The following MYH15 variants were observed in gnomAD, a reference collection of about 807,000 sequenced individuals.
The protein encoded by MYH15 is myosin heavy chain 15.
MYH15 carries 227 observed loss-of-function variants against 240.5 expected under a neutral mutation model. That is an observed-to-expected ratio of 0.94 (90% CI 0.85 to 1.05). The LOEUF (loss-of-function observed/expected upper bound fraction) is 1.05, where lower values mean the gene tolerates loss of function less well. MYH15 is among the 50% of genes least tolerant of loss of function. The pLI is 0.00. For missense variants in MYH15, 2,217 were observed against 2,247.5 expected (o/e 0.99, Z 0.27); for synonymous variants, 785 against 796.7 (o/e 0.99, Z 0.25).
At chr3:108,431,357 T>C (rs1165622287) in intron 25 of MYH15, among the ~76,000 whole-genome samples, 4 of 152,212 alleles carry the variant, frequency 2.6e-5, no homozygotes, top group East Asian at 1.9e-4. Flanking sequence ...CAGGAGGTAA[T>C]TGAATCATGG....
chr3:108,435,143 T>C (rs2082820524), intron 25 of MYH15, among the ~76,000 whole-genome samples: 1 of 152,252 alleles, frequency 6.6e-6, no homozygotes, highest in South Asian at 2.1e-4. Context: ...CTTTATAACT[T>C]GTCTCCATTT....
chr3:108,446,144 C>T (rs1023685351), intron 21 of MYH15, among the ~76,000 whole-genome samples: 5 of 152,126 alleles, frequency 3.3e-5, no homozygotes, highest in South Asian at 2.1e-4. Context: ...CAGACCTATC[C>T]CCATGAACCC....
the MYH15 span, among the ~76,000 whole-genome samples, chr3:108,535,904 G>A: frequency 0.032 from 4,945 of 152,240 alleles, 252 homozygotes; most frequent in African/African-American, 0.11. Context: ...TAGTTGGTAA[G>A]GGTTATTTAT....
At chr3:108,529,001 T>C (rs1176919074) in intron 1 of MYH15, among the ~76,000 whole-genome samples, 1 of 152,190 alleles carries the variant, frequency 6.6e-6, no homozygotes, top group African/African-American at 2.4e-5. Flanking sequence ...TGAGAAGTTG[T>C]GTGTTGGGGA....
chr3:108,472,827 A>T (rs1307381987), intron 12 of MYH15, among the ~76,000 whole-genome samples: 1 of 152,084 alleles, frequency 6.6e-6, no homozygotes, highest in Non-Finnish European at 1.5e-5. Flanking sequence ...CATTTTCATC[A>T]TTTTCTGTCC....
chr3:108,412,384 C>T (rs1300825684), intron 30 of MYH15, among the ~76,000 whole-genome samples: 6 of 152,180 alleles, frequency 3.9e-5, no homozygotes, highest in Non-Finnish European at 8.8e-5. Flanking sequence ...TCCCCTTCCA[C>T]CAGGATTGTA....
At chr3:108,455,607 A>G in intron 20 of MYH15, 129 bp downstream of exon 20, 2 of 1,078,044 alleles carry the variant, frequency 1.9e-6, no homozygotes, top group Non-Finnish European at 2.7e-6. Context: ...TTCAGCTAAG[A>G]TCTGTTTGTG....
chr3:108,496,208 A>G (rs958516910), intron 6 of MYH15, among the ~76,000 whole-genome samples: 5 of 152,230 alleles, frequency 3.3e-5, no homozygotes, highest in Non-Finnish European at 7.3e-5. Context: ...AACATATCAT[A>G]TATTTCCCCC....
At position 108,464,742 on chromosome 3, in the gene MYH15, T is replaced by C; in HGVS notation, c.1627A>G (p.Lys543Glu). ...PKATDLTFKTKLFDNHFGKSV... is the reference protein window; with the variant it reads ...PKATDLTFKTELFDNHFGKSV... ...TTTCCAAAATGGTTGTCAAAGAGTT[T>C]GGTCTTGAAAGTCAGGTCTGTAGCC... Residue 543 changes from lysine to glutamate, a missense_variant, in exon 15 of 41, where the codon AAA becomes GAA. Transcript: ENST00000693548. 1 of 1,613,972 alleles carries C rather than the reference T, an allele frequency of 6.2e-7. No homozygotes were observed. The highest frequency in any genetic ancestry group is 1.1e-5 in the South Asian group (1 of 91,072).
chr3:108,509,476 C>T (rs1013100971), intron 1 of MYH15, among the ~76,000 whole-genome samples: 7 of 152,122 alleles, frequency 4.6e-5, no homozygotes, highest in African/African-American at 1.2e-4. Context: ...GCCTAAAATC[C>T]AATCACAGTC....
intron 5 of MYH15, among the ~76,000 whole-genome samples, chr3:108,499,091 T>A (rs1302109673): frequency 2.0e-5 from 3 of 152,214 alleles, no homozygotes; most frequent in African/African-American, 7.2e-5. Flanking sequence ...ATCTGTTCCA[T>A]GGGCATACCT....
At chr3:108,420,706 A>C (rs1260987920) in intron 28 of MYH15, among the ~76,000 whole-genome samples, 1 of 152,170 alleles carries the variant, frequency 6.6e-6, no homozygotes, top group Non-Finnish European at 1.5e-5. Context: ...GTAAAGAGAG[A>C]TGTAGATTCA....
At chr3:108,436,298 C>T (rs1049293706) in intron 25 of MYH15, among the ~76,000 whole-genome samples, 1 of 152,160 alleles carries the variant, frequency 6.6e-6, no homozygotes, top group Non-Finnish European at 1.5e-5. Flanking sequence ...AAATTGAATG[C>T]TAAGGGAACT....
chr3:108,427,605 A>C (rs1211993767), intron 27 of MYH15, among the ~76,000 whole-genome samples: 2 of 99,586 alleles, frequency 2.0e-5, no homozygotes, highest in East Asian at 6.7e-4. Flanking sequence ...TAAGACACAC[A>C]CACACACACA....
intron 9 of MYH15, among the ~76,000 whole-genome samples, chr3:108,491,718 G>A (rs915183135): frequency 2.0e-5 from 3 of 151,976 alleles, no homozygotes; most frequent in Non-Finnish European, 2.9e-5. Flanking sequence ...CAACACACTT[G>A]CTCTGCCAAC....
Position 108,499,369 on chromosome 3 carries a change from CAA to C in MYH15, c.524+84_524+85del. The C allele has an allele frequency of 2.2e-6, 3 of 1,361,358 alleles. No homozygotes were observed. The South Asian group carries it at 3.7e-5, about 17-fold the overall frequency. 84.3% of individuals were successfully genotyped at this position (1,361,358 alleles called of 1,614,324 possible). On this transcript the variant is annotated intron_variant, in intron 5 of 40. Transcript: ENST00000693548. ...GGCAATTAATTCAAAGATGGCGAAT[CAA>C]AGTTTTATTCCCAGTGAAATGGAGG...
chr3:108,469,260 T>A (rs1192305371), intron 14 of MYH15, among the ~76,000 whole-genome samples: 6 of 152,032 alleles, frequency 3.9e-5, no homozygotes, highest in Non-Finnish European at 1.5e-5. Context: ...ATAGCTAGAG[T>A]ATTCAGGAAA....
Position 108,476,398 on chromosome 3 carries a change from T to C in MYH15, c.1232A>G (p.Gln411Arg). The stretch of plus-strand genomic sequence containing the variant: ...AATGCTCTTGAAATATCACCTTACC[T>C]GTTCTATAGTTTGACCTCTGGTAAC... ...EYVTRGQTIE[Q>R]VTCAVGALSK... The change falls in exon 12 of 41, where the codon CAG (glutamine) becomes CGG (arginine). Residue 411 changes from glutamine (Q) to arginine (R), a missense_variant and splice_region_variant. Coordinates refer to ENST00000693548, the MANE Select transcript of MYH15 (RefSeq NM_014981.3). 6.5e-7 allele frequency: 1 copy of C among 1,533,260 alleles called. No individual in the cohort carries two copies. The highest frequency in any genetic ancestry group is 9.0e-7 in the Non-Finnish European group (1 of 1,106,772). 95.0% of individuals were successfully genotyped at this position (1,533,260 alleles called of 1,614,324 possible). A position where few individuals can be genotyped will look rare whatever the true frequency, so the allele number is the denominator to read the frequency against.
At chr3:108,487,233 C>T (rs2083313458) in intron 9 of MYH15, among the ~76,000 whole-genome samples, 1 of 152,172 alleles carries the variant, frequency 6.6e-6, no homozygotes, top group South Asian at 2.1e-4. Flanking sequence ...CACTTGCTCC[C>T]AGTGAAGTTT....
Sources: gnomAD v4.1 joint callset for allele counts (sites outside exome capture counted in the v4.1 genomes callset) on GRCh38, gnomAD v4.1.1 for gene constraint, MANE v1.5 for transcripts, NCBI Gene and HGNC (gene_info 2026-07-23, HGNC 2026-07-21) for gene names.